Variants in LSS observed in about 807,000 individuals in gnomAD.
The protein encoded by LSS is 2,3-epoxysqualene-lanosterol cyclase.
LSS carries 90 observed loss-of-function variants against 110.3 expected under a neutral mutation model. The ratio of observed to expected loss-of-function variants is 0.82; its 90% CI spans 0.69 to 0.97. The LOEUF (loss-of-function observed/expected upper bound fraction) is 0.97. Among genes scored for constraint, LSS ranks in the 50% least tolerant of loss-of-function variants. The pLI is 0.00. For synonymous variants in LSS, 433 were observed against 400.0 expected (o/e 1.08, Z -0.98); for missense variants, 927 against 990.0 (o/e 0.94, Z 0.85).
In LSS at chr21:46,189,425, C is replaced by T. The variant is rs981634717; in HGVS notation, c.*1679G>A. On this transcript the variant is annotated 3_prime_UTR_variant, in exon 22 of 22. Coordinates refer to ENST00000397728, the MANE Select transcript of LSS (RefSeq NM_002340.6). ...CACAGTTCCTTCAGCGAAAATAAAG[C>T]CCAGTTTTAAGATGTGCAGGGAAGT... The T allele has an allele frequency of 3.1e-6, 1 of 321,360 alleles. No individual in the cohort carries two copies. Among genetic ancestry groups the T allele is most frequent in the Non-Finnish European group, 6.1e-6 (1 of 163,160 alleles). The allele number at this position is 321,360 out of a possible 1,614,324, so 19.9% of individuals were successfully genotyped here.
chr21:46,203,972 T>G (rs1569023326), intron 17 of LSS, among the ~76,000 whole-genome samples: 1 of 152,168 alleles, frequency 6.6e-6, no homozygotes, highest in Non-Finnish European at 1.5e-5. Context: ...AATATCTAAG[T>G]ATTCAAGTTA....
At position 46,195,539 on chromosome 21, in the gene LSS, T is replaced by G. The variant is rs578153888; in HGVS notation, c.1817+137A>C. ...ATCATGCCACTGCATGTCAGCCCGG[T>G]TGACAGAGCGAGACTCCGTCTCAAA... is the stretch of plus-strand genomic sequence containing the variant. On this transcript the variant is annotated intron_variant, in intron 19 of 21. Transcript: ENST00000397728. 13 of 823,446 alleles carry G rather than the reference T, an allele frequency of 1.6e-5. No homozygotes were observed. In the African/African-American group the frequency reaches 2.0e-4, roughly 13 times the overall value. 51.0% of individuals were successfully genotyped at this position (823,446 alleles called of 1,614,324 possible).
chr21:46,188,801 C>T lies in LSS; in HGVS notation c.*2303G>A, dbSNP rs778888886. On this transcript the variant is annotated 3_prime_UTR_variant, in exon 22 of 22. Transcript: ENST00000397728. The stretch of plus-strand genomic sequence containing the variant: ...CACCGAAGAGGGCAGGGAATCGCTG[C>T]GTCCTGTGACTTGAAGGCCACTGTG... 64 of 469,800 alleles carry T rather than the reference C, an allele frequency of 1.4e-4. No homozygotes were observed. The highest frequency in any genetic ancestry group is 9.0e-4 in the South Asian group (58 of 64,560). The allele number at this position is 469,800 out of a possible 1,614,324, so 29.1% of individuals were successfully genotyped here.
chr21:46,206,627 A>G, intron 16 of LSS, 45 bp downstream of exon 16: 1 of 1,529,462 alleles, frequency 6.5e-7, no homozygotes, highest in African/African-American at 1.4e-5. Flanking sequence ...CCACAGTGCT[A>G]GCCAGCCCCG....
intron 17 of LSS, among the ~76,000 whole-genome samples, chr21:46,199,453 C>A (rs537097753): frequency 6.6e-6 from 1 of 152,348 alleles, no homozygotes; most frequent in South Asian, 2.1e-4. Flanking sequence ...TACAGTTTGG[C>A]AGCTTCTTAC....
intron 2 of LSS, 131 bp downstream of exon 2, chr21:46,228,303 C>A: frequency 9.6e-7 from 1 of 1,044,878 alleles, no homozygotes; most frequent in Non-Finnish European, 1.4e-6. Context: ...ACGCAGTTCC[C>A]GTGGGCGCTC....
chr21:46,198,631 C>G (rs1445462185), intron 17 of LSS, among the ~76,000 whole-genome samples: 1 of 151,966 alleles, frequency 6.6e-6, no homozygotes, highest in Non-Finnish European at 1.5e-5. Context: ...ACTGCAAGGC[C>G]TACTACAGAG....
At chr21:46,204,478 A>G (rs1225797276) in intron 17 of LSS, among the ~76,000 whole-genome samples, 1 of 152,136 alleles carries the variant, frequency 6.6e-6, no homozygotes, top group Non-Finnish European at 1.5e-5. Flanking sequence ...GACACTGAAC[A>G]ACTTTGCATG....
At chr21:46,227,000 G>A (rs2080348806) in intron 3 of LSS, among the ~76,000 whole-genome samples, 1 of 152,204 alleles carries the variant, frequency 6.6e-6, no homozygotes, top group Non-Finnish European at 1.5e-5. Context: ...TAAATTCATA[G>A]GAGGGAATTT....
chr21:46,219,174 A>C (rs957247864), intron 6 of LSS, among the ~76,000 whole-genome samples: 7 of 152,270 alleles, frequency 4.6e-5, no homozygotes, highest in Non-Finnish European at 8.8e-5. Flanking sequence ...GCACCCCCCC[A>C]CTTCTACAGA....
rs183956791 is a variant in LSS, at chr21:46,214,366, G to A, written c.1012-531C>T. 2.6e-3 allele frequency among the ~76,000 whole-genome samples: 389 copies of A among 152,280 alleles called. 3 individuals are homozygous for A. The highest frequency in any genetic ancestry group is 8.9e-3 in the African/African-American group (371 of 41,554). On this transcript the variant is annotated intron_variant, in intron 9 of 21. Coordinates refer to ENST00000397728, the MANE Select transcript of LSS (RefSeq NM_002340.6). ...TTTAGTACAGATGTGCTCTATATGG[G>A]ATTAAACCAAAACCCACAAAGAACC...
rs936900992 is a variant in LSS, at chr21:46,209,497, G to C, written c.1266+57C>G. ...GAGGTGGGCACTTCTGCCTGCAGGA[G>C]CTCCCAGCCCTGATCCCCCTCTTCA... On this transcript the variant is annotated intron_variant, in intron 13 of 21. Coordinates refer to ENST00000397728, the MANE Select transcript of LSS (RefSeq NM_002340.6). This position sits in a 1 kb window ranked among gnomAD's most constrained non-coding sequence, Gnocchi z 4.4. 1.1e-5 allele frequency: 16 copies of C among 1,491,210 alleles called. No homozygotes were observed. Among genetic ancestry groups the C allele is most frequent in the Non-Finnish European group, 1.8e-6 (2 of 1,099,702 alleles). The allele number at this position is 1,491,210 out of a possible 1,614,324, so 92.4% of individuals were successfully genotyped here. A position where few individuals can be genotyped will look rare whatever the true frequency, so the allele number is the denominator to read the frequency against.
Position 46,194,610 on chromosome 21 carries a change from C to T in LSS, c.1869G>A (p.Gln623=). The T allele has an allele frequency of 6.2e-7, 1 of 1,613,782 alleles. No homozygotes were observed. Among genetic ancestry groups the T allele is most frequent in the Non-Finnish European group, 8.5e-7 (1 of 1,180,018 alleles). The change falls in exon 20 of 22, where the codon CAG becomes CAA. Residue 623 remains glutamine, a synonymous_variant. Coordinates refer to ENST00000397728, the MANE Select transcript of LSS (RefSeq NM_002340.6). ...SRACDFLLSR[Q]MADGGWGEDF... ...CCTCCCCCCAGCCTCCGTCTGCCAT[C>T]TGCCGGGACAGCAGGAAGTCACAGG...
In LSS at chr21:46,216,604, T is replaced by C; in HGVS notation, c.648-80A>G. The stretch of plus-strand genomic sequence containing the variant: ...CGCCAGCATCCATACCTTGGGCCCT[T>C]TCAAGCACGAACACTGGTGGATGGC... On this transcript the variant is annotated intron_variant, in intron 6 of 21. Transcript: ENST00000397728. This position sits in a 1 kb window ranked among gnomAD's most constrained non-coding sequence, Gnocchi z 4.2. 6.9e-7 allele frequency: 1 copy of C among 1,443,438 alleles called. No homozygotes were observed. The highest frequency in any genetic ancestry group is 9.2e-7 in the Non-Finnish European group (1 of 1,091,352). The allele number at this position is 1,443,438 out of a possible 1,614,324, so 89.4% of individuals were successfully genotyped here. A position where few individuals can be genotyped will look rare whatever the true frequency, so the allele number is the denominator to read the frequency against.
At position 46,190,828 on chromosome 21, in the gene LSS, C is replaced by T. The variant is rs1174145657; in HGVS notation, c.*276G>A. On this transcript the variant is annotated 3_prime_UTR_variant, in exon 22 of 22. Coordinates refer to ENST00000397728, the MANE Select transcript of LSS (RefSeq NM_002340.6). This position sits in a 1 kb window ranked among gnomAD's most constrained non-coding sequence, Gnocchi z 4.6. Reference sequence around the variant, plus strand: ...GGCCGTGCCCAGAGGTGGCAGAAGGCGCTGTGCCTCCTCAGGGGTCACGGC... The same window carrying T: ...GGCCGTGCCCAGAGGTGGCAGAAGGTGCTGTGCCTCCTCAGGGGTCACGGC... The T allele has an allele frequency of 1.5e-5, 7 of 460,560 alleles. No homozygotes were observed. Among genetic ancestry groups the T allele is most frequent in the East Asian group, 3.5e-5 (1 of 28,594 alleles). The allele number at this position is 460,560 out of a possible 1,614,324, so 28.5% of individuals were successfully genotyped here.
chr21:46,203,692 C>T (rs1393186701), intron 17 of LSS, among the ~76,000 whole-genome samples: 2 of 152,244 alleles, frequency 1.3e-5, no homozygotes, highest in East Asian at 3.8e-4. Flanking sequence ...AGACCCTGGA[C>T]ACAGTGCCCT....
chr21:46,216,358 G>A lies in LSS; in HGVS notation c.783+31C>T. The A allele has an allele frequency of 6.2e-7, 1 of 1,613,048 alleles. No homozygotes were observed. Among genetic ancestry groups the A allele is most frequent in the Non-Finnish European group, 8.5e-7 (1 of 1,179,884 alleles). On this transcript the variant is annotated intron_variant, in intron 7 of 21. Transcript: ENST00000397728. This position sits in a 1 kb window ranked among gnomAD's most constrained non-coding sequence, Gnocchi z 4.2. ...GGCCCTGTGGGTCCCAGCCCCAGAG[G>A]CCTTCACTTTGTTCCCTGATGAGGT...
intron 5 of LSS, among the ~76,000 whole-genome samples, chr21:46,221,042 GGTAGCCAGACCAGGGCTTGGAGAA>G (rs1477659020): frequency 4.0e-5 from 6 of 150,110 alleles, no homozygotes; most frequent in Admixed American, 2.0e-4. Flanking sequence ...GGCTTGGAGA[GGTAGCCAGACCAGGGCTTGGAGAA>G]GTAGACAGTT....
chr21:46,210,245 T>G (rs1333334708), intron 12 of LSS, among the ~76,000 whole-genome samples: 1 of 151,950 alleles, frequency 6.6e-6, no homozygotes, highest in African/African-American at 2.4e-5. Flanking sequence ...TTTGTGTACT[T>G]TTAGTAGAGA....
Sources: allele counts gnomAD v4.1 joint callset (sites outside exome capture counted in the v4.1 genomes callset), GRCh38; gene constraint gnomAD v4.1.1; non-coding constraint Gnocchi (gnomAD v3.1); transcripts MANE v1.5; gene names NCBI Gene and HGNC (gene_info 2026-07-23, HGNC 2026-07-21).